HSD11B2: variants seen among roughly 807,000 people sequenced by gnomAD.
HSD11B2 encodes the protein 11-beta-hydroxysteroid dehydrogenase type 2.
Under a neutral mutation model 20.9 loss-of-function variants are expected in HSD11B2, and 17 were observed. The observed-to-expected ratio is 0.81, with a 90% CI of 0.56 to 1.22. The LOEUF is 1.22. Ranked by LOEUF, HSD11B2 falls within the 50% of genes most tolerant of loss-of-function variation. The probability of loss-of-function intolerance (pLI) is 0.00; values close to 1 mark genes in which losing one functional copy is unlikely to be tolerated. For missense variants in HSD11B2, 480 were observed against 563.6 expected (o/e 0.85, Z 1.50); for synonymous variants, 253 against 255.4 (o/e 0.99, Z 0.09).
chr16:67,431,482 G>A lies in HSD11B2; in HGVS notation c.234G>A (p.Leu78=). ...ALSRLARPQR[L]PVATRAVLIT... ...CCCGCCTGGCGCGCCCGCAGCGCCTGCCGGTGGCCACTCGCGCGGTGCTCA... is the reference window on the plus strand; with the variant it reads ...CCCGCCTGGCGCGCCCGCAGCGCCTACCGGTGGCCACTCGCGCGGTGCTCA... The change falls in exon 1 of 5, where the codon CTG becomes CTA. Residue 78 remains leucine, a synonymous_variant. Transcript: ENST00000326152. 1 of 1,398,466 alleles carries A rather than the reference G, an allele frequency of 7.2e-7. No individual in the cohort carries two copies. The highest frequency in any genetic ancestry group is 9.3e-7 in the Non-Finnish European group (1 of 1,074,212). 86.6% of individuals were successfully genotyped at this position (1,398,466 alleles called of 1,614,324 possible). A position where few individuals can be genotyped will look rare whatever the true frequency, so the allele number is the denominator to read the frequency against.
Position 67,436,792 on chromosome 16 carries a change from G to A in HSD11B2, c.1007G>A (p.Arg336His), listed in dbSNP as rs562756822. Residue 336 changes from arginine (R) to histidine (H), a missense_variant, in exon 5 of 5, where the codon CGC becomes CAC. Arg to His is a conservative substitution (Grantham distance 29). Transcript: ENST00000326152. This position sits in a 1 kb window ranked among gnomAD's most constrained non-coding sequence, Gnocchi z 5.7. ...GCGCTGCTGGCAGCTCGGCCCCGCC[G>A]CCGCTATTACCCCGGCCAGGGCCTG... The part of the protein sequence containing the change: ...TDALLAARPR[R>H]RYYPGQGLGL... The A allele has an allele frequency of 1.1e-4, 182 of 1,613,770 alleles. No homozygotes were observed. The highest frequency in any genetic ancestry group is 1.4e-4 in the Non-Finnish European group (168 of 1,180,026).
Position 67,435,767 on chromosome 16 carries a change from G to A in HSD11B2, c.405G>A (p.Leu135=). The part of the protein sequence containing the change: ...RTCCSPRLRL[L]QMDLTKPGDI... ...GCTGCTCCCCTCGCCTAAGGCTGCT[G>A]CAGATGGACCTGACCAAACCAGGAG... is the stretch of plus-strand genomic sequence containing the variant. The change falls in exon 2 of 5, where the codon CTG becomes CTA. Residue 135 remains leucine, a synonymous_variant. Coordinates refer to ENST00000326152, the MANE Select transcript of HSD11B2 (RefSeq NM_000196.4). 1 of 1,614,120 alleles carries A rather than the reference G, an allele frequency of 6.2e-7. No individual in the cohort carries two copies.
At chr16:67,431,562 A>G in intron 1 of HSD11B2, 49 bp downstream of exon 1, 2 of 1,301,390 alleles carry the variant, frequency 1.5e-6, no homozygotes, top group African/African-American at 1.5e-5. Context: ...CGAGGGCGGG[A>G]CTGGACACTC....
intron 1 of HSD11B2, among the ~76,000 whole-genome samples, chr16:67,433,493 C>G (rs2142286520): frequency 6.6e-6 from 1 of 152,090 alleles, no homozygotes; most frequent in African/African-American, 2.4e-5. Flanking sequence ...AACATCCAGC[C>G]AGGTTGGAAG....
rs1254795106 is a variant in HSD11B2, at chr16:67,431,211, G to A, written c.-38G>A. The A allele has an allele frequency of 1.8e-6, 2 of 1,125,294 alleles. No homozygotes were observed. Among genetic ancestry groups the A allele is most frequent in the East Asian group, 4.4e-5 (1 of 22,938 alleles). 69.7% of individuals were successfully genotyped at this position (1,125,294 alleles called of 1,614,324 possible). On this transcript the variant is annotated 5_prime_UTR_variant, in exon 1 of 5. Transcript: ENST00000326152. Reference sequence around the variant, plus strand: ...GCTCTCTCTCCCCGCTCCCCGGCCCGGCCCCCGCCCCGCCCCGCCCCAGCC... The same window carrying A: ...GCTCTCTCTCCCCGCTCCCCGGCCCAGCCCCCGCCCCGCCCCGCCCCAGCC...
At position 67,435,676 on chromosome 16, in the gene HSD11B2, TGGGCTTCAC is replaced by T; in HGVS notation, c.317_325del (p.Gly106_Thr108del). Reference sequence around the variant, plus strand: ...GAGACGGCCAAGAAACTGGACTCCATGGGCTTCACGGTGCTGGCCACCGTATTGGAGTTG... The same window carrying T: ...GAGACGGCCAAGAAACTGGACTCCATGGTGCTGGCCACCGTATTGGAGTTG... On this transcript the variant is annotated inframe_deletion, in exon 2 of 5. Transcript: ENST00000326152. 6.2e-7 allele frequency: 1 copy of T among 1,613,860 alleles called. No individual in the cohort carries two copies. Among genetic ancestry groups the T allele is most frequent in the Non-Finnish European group, 8.5e-7 (1 of 1,180,006 alleles).
At position 67,436,591 on chromosome 16, in the gene HSD11B2, C is replaced by A; in HGVS notation, c.806C>A (p.Ser269Ter). The A allele has an allele frequency of 6.2e-7, 1 of 1,614,112 alleles. No individual in the cohort carries two copies. Among genetic ancestry groups the A allele is most frequent in the Non-Finnish European group, 8.5e-7 (1 of 1,180,004 alleles). ...GACCTTGCCACTCCTTCCCCAGAGT[C>A]AGTGAGAAACGTGGGTCAGTGGGAA... ...IIQPGCFKTE[S>*]VRNVGQWEKR... Residue 269 changes from serine to a stop codon, truncating the protein, a stop_gained, in exon 5 of 5, where the codon TCA (serine) becomes TAA (stop). Coordinates refer to ENST00000326152, the MANE Select transcript of HSD11B2 (RefSeq NM_000196.4). LOFTEE classifies it high-confidence loss of function. The surrounding 1 kb of genome is among the most constrained non-coding windows in gnomAD (Gnocchi z 5.7).
chr16:67,431,205 C>A lies in HSD11B2; in HGVS notation c.-44C>A. The A allele has an allele frequency of 1.8e-6, 2 of 1,103,634 alleles. No homozygotes were observed. The highest frequency in any genetic ancestry group is 1.7e-5 in the African/African-American group (1 of 59,962). 68.4% of individuals were successfully genotyped at this position (1,103,634 alleles called of 1,614,324 possible). ...CTAGAAGCTCTCTCTCCCCGCTCCC[C>A]GGCCCGGCCCCCGCCCCGCCCCGCC... On this transcript the variant is annotated 5_prime_UTR_variant, in exon 1 of 5. Transcript: ENST00000326152.
rs1597563784 is a variant in HSD11B2 at position 67,437,013 on chromosome 16, A to C, written c.*10A>C. ...AGCAGTGGCTCGGTGAGCCATGTGC[A>C]CCTATGGCCCAGCCACTGCAGCACA... On this transcript the variant is annotated 3_prime_UTR_variant, in exon 5 of 5. Coordinates refer to ENST00000326152, the MANE Select transcript of HSD11B2 (RefSeq NM_000196.4). The C allele has an allele frequency of 1.2e-6, 2 of 1,604,634 alleles. No homozygotes were observed.
At position 67,435,688 on chromosome 16, in the gene HSD11B2, T is replaced by C. The variant is rs1422713575; in HGVS notation, c.326T>C (p.Val109Ala). The change falls in exon 2 of 5, where the codon GTG (valine) becomes GCG (alanine). Residue 109 changes from valine to alanine, a missense_variant. This residue lies in a region of HSD11B2 where 374 missense variants were observed against 480.9 expected (regional missense o/e 0.78). Transcript: ENST00000326152. ...AKKLDSMGFT[V>A]LATVLELNSP... is the part of the protein sequence containing the mutation. ...AAACTGGACTCCATGGGCTTCACGG[T>C]GCTGGCCACCGTATTGGAGTTGAAC... 6.2e-7 allele frequency: 1 copy of C among 1,613,750 alleles called. No individual in the cohort carries two copies. Among genetic ancestry groups the C allele is most frequent in the African/African-American group, 1.3e-5 (1 of 74,904 alleles).
rs1199326069 is a variant in HSD11B2, at chr16:67,436,955, C to T, written c.1170C>T (p.Ala390=). The stretch of plus-strand genomic sequence containing the variant: ...GCACTACCCCACCACAGGACGCAGC[C>T]CAGGACCCAAACCTGAGCCCCGGCC... ...QPGTTPPQDA[A]QDPNLSPGPS... is the part of the protein sequence containing the mutation. Residue 390 remains alanine, a synonymous_variant, in exon 5 of 5, where the codon GCC becomes GCT. Coordinates refer to ENST00000326152, the MANE Select transcript of HSD11B2 (RefSeq NM_000196.4). This position sits in a 1 kb window ranked among gnomAD's most constrained non-coding sequence, Gnocchi z 5.7. 6.2e-7 allele frequency: 1 copy of T among 1,611,506 alleles called. No individual in the cohort carries two copies. Among genetic ancestry groups the T allele is most frequent in the Admixed American group, 1.7e-5 (1 of 60,008 alleles).
intron 1 of HSD11B2, among the ~76,000 whole-genome samples, chr16:67,435,082 T>G (rs2040959840): frequency 6.8e-6 from 1 of 147,856 alleles, no homozygotes; most frequent in African/African-American, 2.5e-5. Context: ...CACAGGCCTG[T>G]AGTCCCAGCT....
Position 67,437,384 on chromosome 16 carries a change from T to G in HSD11B2, c.*381T>G. 1 of 317,570 alleles carries G rather than the reference T, an allele frequency of 3.1e-6. No individual in the cohort carries two copies. The highest frequency in any genetic ancestry group is 6.8e-5 in the East Asian group (1 of 14,714). 19.7% of individuals were successfully genotyped at this position (317,570 alleles called of 1,614,324 possible). On this transcript the variant is annotated 3_prime_UTR_variant, in exon 5 of 5. Coordinates refer to ENST00000326152, the MANE Select transcript of HSD11B2 (RefSeq NM_000196.4). ...GGGTTGGGGACCCCCTCAGGATTGT[T>G]TCTCGGCACCAGTGCCTCAGTGCTG...
At chr16:67,434,686 C>T (rs1187298961) in intron 1 of HSD11B2, among the ~76,000 whole-genome samples, 1 of 152,128 alleles carries the variant, frequency 6.6e-6, no homozygotes, top group Non-Finnish European at 1.5e-5. Flanking sequence ...AGTTCAAAAC[C>T]AGCTTGGGCA....
At chr16:67,432,452 G>A (rs1365726887) in intron 1 of HSD11B2, among the ~76,000 whole-genome samples, 2 of 152,198 alleles carry the variant, frequency 1.3e-5, no homozygotes, top group African/African-American at 4.8e-5. Context: ...CAGAGACCTC[G>A]GTCTAGTAGG....
rs902772869 is a variant in HSD11B2 at position 67,431,485 on chromosome 16, G to A, written c.237G>A (p.Pro79=). 2 of 1,397,708 alleles carry A rather than the reference G, an allele frequency of 1.4e-6. No individual in the cohort carries two copies. The highest frequency in any genetic ancestry group is 2.7e-5 in the Admixed American group (1 of 37,442). The allele number at this position is 1,397,708 out of a possible 1,614,324, so 86.6% of individuals were successfully genotyped here. ...LSRLARPQRL[P]VATRAVLITG... ...GCCTGGCGCGCCCGCAGCGCCTGCC[G>A]GTGGCCACTCGCGCGGTGCTCATCA... is the stretch of plus-strand genomic sequence containing the variant. Residue 79 remains proline (P), a synonymous_variant, in exon 1 of 5, where the codon CCG becomes CCA. Transcript: ENST00000326152.
At position 67,437,422 on chromosome 16, in the gene HSD11B2, AAAT is replaced by A. The variant is rs745646453; in HGVS notation, c.*420_*422del. On this transcript the variant is annotated 3_prime_UTR_variant, in exon 5 of 5. Coordinates refer to ENST00000326152, the MANE Select transcript of HSD11B2 (RefSeq NM_000196.4). ...TGCCTCAGTGCTGCAATTGAGGGCT[AAAT>A]CCCAAGTGTCTCTTGACTGGCTCAA... 55 of 254,244 alleles carry A rather than the reference AAAT, an allele frequency of 2.2e-4. No homozygotes were observed. Among genetic ancestry groups the A allele is most frequent in the Non-Finnish European group, 2.6e-4 (34 of 131,154 alleles). The allele number at this position is 254,244 out of a possible 1,614,324, so 15.7% of individuals were successfully genotyped here.
rs1194278225 is a variant in HSD11B2, at chr16:67,435,740, C to G, written c.378C>G (p.Thr126=). 6.2e-7 allele frequency: 1 copy of G among 1,613,948 alleles called. No homozygotes were observed. Among genetic ancestry groups the G allele is most frequent in the East Asian group, 2.2e-5 (1 of 44,892 alleles). ...GCCCCGGTGCCATCGAGCTGCGTACCTGCTGCTCCCCTCGCCTAAGGCTGC... is the reference window on the plus strand; with the variant it reads ...GCCCCGGTGCCATCGAGCTGCGTACGTGCTGCTCCCCTCGCCTAAGGCTGC... ...LNSPGAIELR[T]CCSPRLRLLQ... Residue 126 remains threonine (T), a synonymous_variant, in exon 2 of 5, where the codon ACC becomes ACG. Transcript: ENST00000326152.
chr16:67,431,625 G>A, intron 1 of HSD11B2, 112 bp downstream of exon 1: 33 of 1,097,680 alleles, frequency 3.0e-5, no homozygotes, highest in East Asian at 3.9e-5. Flanking sequence ...CAGCGCAAGA[G>A]TGGGAGAGTT....
Sources: gnomAD v4.1 joint callset for allele counts (sites outside exome capture counted in the v4.1 genomes callset) on GRCh38, gnomAD v4.1.1 for gene constraint, gnomAD v4.1.1 regional missense constraint, Gnocchi (gnomAD v3.1) non-coding constraint, MANE v1.5 for transcripts, NCBI Gene and HGNC (gene_info 2026-07-23, HGNC 2026-07-21) for gene names.